CACNA2D3: variants seen among roughly 807,000 people sequenced by gnomAD.
The protein encoded by CACNA2D3 is calcium voltage-gated channel auxiliary subunit alpha2delta 3, also known as voltage-dependent calcium channel subunit alpha-2/delta-3.
A neutral mutation model predicts 160.6 loss-of-function variants in CACNA2D3; 60 were observed. The ratio of observed to expected loss-of-function variants is 0.37; its 90% CI spans 0.30 to 0.46. The LOEUF is 0.46. Among genes scored for constraint, CACNA2D3 ranks in the 20% least tolerant of loss-of-function variants. CACNA2D3 has a pLI of 1.00. For synonymous variants in CACNA2D3, 558 were observed against 492.9 expected (o/e 1.13, Z -1.75); for missense variants, 1,205 against 1,365.0 (o/e 0.88, Z 1.85).
chr3:54,723,971 T>G (rs1701227136), intron 11 of CACNA2D3, among the ~76,000 whole-genome samples: 2 of 152,254 alleles, frequency 1.3e-5, no homozygotes, highest in South Asian at 4.1e-4. Context: ...AGACACAGAC[T>G]GGCAAATTGG....
At chr3:54,462,634 C>A (rs1367517818) in intron 4 of CACNA2D3, among the ~76,000 whole-genome samples, 1 of 152,104 alleles carries the variant, frequency 6.6e-6, no homozygotes, top group Non-Finnish European at 1.5e-5. Flanking sequence ...CTTGGTAGAT[C>A]TTCCTCCATC....
At chr3:54,864,873 G>T (rs1699365661) in intron 17 of CACNA2D3, among the ~76,000 whole-genome samples, 1 of 152,134 alleles carries the variant, frequency 6.6e-6, no homozygotes, top group African/African-American at 2.4e-5. Context: ...CTGCCTGTCA[G>T]CCATGTCACC....
intron 27 of CACNA2D3, among the ~76,000 whole-genome samples, chr3:54,958,585 A>G (rs1701959109): frequency 1.3e-5 from 2 of 152,170 alleles, no homozygotes; most frequent in African/African-American, 4.8e-5. Flanking sequence ...TGAGTAAAGC[A>G]ATAGTTATTA....
intron 10 of CACNA2D3, among the ~76,000 whole-genome samples, chr3:54,631,525 C>A (rs1177455596): frequency 6.6e-6 from 1 of 152,082 alleles, no homozygotes; most frequent in East Asian, 1.9e-4. Flanking sequence ...AAAGTTATTT[C>A]TTGAACACAC....
At chr3:54,281,235 A>G (rs774291277) in intron 2 of CACNA2D3, among the ~76,000 whole-genome samples, 17 of 152,226 alleles carry the variant, frequency 1.1e-4, no homozygotes, top group Non-Finnish European at 2.2e-4. Context: ...TATCAGGAAC[A>G]GGGCCCCTGC....
At chr3:54,161,710 C>T (rs953407390) in intron 2 of CACNA2D3, among the ~76,000 whole-genome samples, 3 of 152,208 alleles carry the variant, frequency 2.0e-5, no homozygotes, top group Admixed American at 2.0e-4. Flanking sequence ...TGTTCAATAT[C>T]ATGATATGAA....
At chr3:54,885,884 A>C (rs1699913390) in intron 23 of CACNA2D3, among the ~76,000 whole-genome samples, 1 of 152,198 alleles carries the variant, frequency 6.6e-6, no homozygotes, top group Non-Finnish European at 1.5e-5. Context: ...AGGGACTGTA[A>C]ATATTTGCAT....
At chr3:54,140,246 A>G (rs577838273) in intron 2 of CACNA2D3, among the ~76,000 whole-genome samples, 46 of 152,356 alleles carry the variant, frequency 3.0e-4, no homozygotes, top group African/African-American at 1.1e-3. Context: ...CCCTGGTCAG[A>G]GAAGGAGATG....
chr3:54,856,360 A>G (rs67322081), intron 17 of CACNA2D3, among the ~76,000 whole-genome samples: 1 of 151,988 alleles, frequency 6.6e-6, no homozygotes, highest in African/African-American at 2.4e-5. Flanking sequence ...ACAGTCCAGC[A>G]TGCTTGGGAG....
chr3:55,012,154 T>G (rs2107148664), intron 34 of CACNA2D3, among the ~76,000 whole-genome samples: 1 of 152,246 alleles, frequency 6.6e-6, no homozygotes, highest in Middle Eastern at 3.4e-3. Flanking sequence ...GGCAAGTCAC[T>G]TGGTCTCTCT....
chr3:54,455,451 G>A (rs80053472), intron 4 of CACNA2D3, among the ~76,000 whole-genome samples: 6 of 151,882 alleles, frequency 4.0e-5, no homozygotes, highest in Non-Finnish European at 8.8e-5. Flanking sequence ...TTCTAATGTT[G>A]TATGAGTTTT....
At chr3:54,146,908 T>C (rs954320066) in intron 2 of CACNA2D3, among the ~76,000 whole-genome samples, 2 of 152,246 alleles carry the variant, frequency 1.3e-5, no homozygotes, top group African/African-American at 4.8e-5. Flanking sequence ...CGCCTGCCCC[T>C]CCTGGAGCTT....
At chr3:54,910,554 C>T (rs1700534173) in intron 27 of CACNA2D3, among the ~76,000 whole-genome samples, 1 of 152,156 alleles carries the variant, frequency 6.6e-6, no homozygotes, top group Non-Finnish European at 1.5e-5. Flanking sequence ...CACTGTCCAA[C>T]CCTCCTAGGT....
intron 3 of CACNA2D3, among the ~76,000 whole-genome samples, chr3:54,328,225 A>G (rs1044219562): frequency 1.3e-5 from 2 of 152,072 alleles, no homozygotes; most frequent in Non-Finnish European, 2.9e-5. Flanking sequence ...GTATTTGACT[A>G]TTATTAGTCT....
intron 11 of CACNA2D3, among the ~76,000 whole-genome samples, chr3:54,679,887 A>G (rs1339882919): frequency 1.3e-5 from 2 of 152,260 alleles, no homozygotes; most frequent in African/African-American, 2.4e-5. Flanking sequence ...AAATTAATTC[A>G]AAGTTTGAAA....
intron 11 of CACNA2D3, among the ~76,000 whole-genome samples, chr3:54,672,656 C>A (rs573662411): frequency 7.2e-5 from 11 of 152,348 alleles, no homozygotes; most frequent in African/African-American, 2.4e-4. Flanking sequence ...AGGAAATGTC[C>A]TGGGAGCAAC....
chr3:54,238,755 A>C (rs1701927472), intron 2 of CACNA2D3, among the ~76,000 whole-genome samples: 1 of 152,204 alleles, frequency 6.6e-6, no homozygotes, highest in South Asian at 2.1e-4. Flanking sequence ...GAAGGCAGTT[A>C]TCTCTCTAAT....
intron 14 of CACNA2D3, among the ~76,000 whole-genome samples, chr3:54,821,867 T>TCTATA (rs1458464625): frequency 6.6e-6 from 1 of 152,070 alleles, no homozygotes; most frequent in African/African-American, 2.4e-5. Flanking sequence ...TCATTTAACT[T>TCTATA]CTATACTTCG....
At chr3:54,501,806 AG>A (rs1424910422) in intron 4 of CACNA2D3, among the ~76,000 whole-genome samples, 4 of 152,192 alleles carry the variant, frequency 2.6e-5, no homozygotes, top group Non-Finnish European at 5.9e-5. Context: ...AATTCTTGCA[AG>A]GCAAGTCTAC....
Sources: gnomAD v4.1 joint callset for allele counts (sites outside exome capture counted in the v4.1 genomes callset) on GRCh38, gnomAD v4.1.1 for gene constraint, MANE v1.5 for transcripts, NCBI Gene and HGNC (gene_info 2026-07-23, HGNC 2026-07-21) for gene names.